SGIP1: variants seen among roughly 807,000 people sequenced by gnomAD.
The protein encoded by SGIP1 is SH3-containing GRB2-like protein 3-interacting protein 1.
In SGIP1, 38 loss-of-function variants were observed where a neutral mutation model predicts 107.5. The ratio of observed to expected loss-of-function variants is 0.35; its 90% CI spans 0.27 to 0.46. SGIP1 has a LOEUF of 0.46. Among genes scored for constraint, SGIP1 ranks in the 20% least tolerant of loss-of-function variants. The probability of loss-of-function intolerance (pLI) is 1.00; values close to 1 mark genes in which losing one functional copy is unlikely to be tolerated. For missense variants in SGIP1, 929 were observed against 1,019.5 expected (o/e 0.91, Z 1.21); for synonymous variants, 365 against 366.1 (o/e 1.00, Z 0.03).
intron 1 of SGIP1, among the ~76,000 whole-genome samples, chr1:66,596,870 G>A (rs1235789875): frequency 1.3e-5 from 2 of 151,978 alleles, no homozygotes; most frequent in African/African-American, 2.4e-5. Flanking sequence ...TATTTCAATT[G>A]AGTATCAAAT....
Position 66,743,438 on chromosome 1 carries a change from A to G in SGIP1, c.*343A>G, listed in dbSNP as rs2094513038. 5.3e-6 allele frequency: 1 copy of G among 187,638 alleles called. No individual in the cohort carries two copies. The highest frequency in any genetic ancestry group is 5.5e-5 in the Admixed American group (1 of 18,022). The allele number at this position is 187,638 out of a possible 1,614,324, so 11.6% of individuals were successfully genotyped here. Reference sequence around the variant, plus strand: ...AACTGTGGTATGTAAATTTAATAGTAGTATTGTTGAATGGCACAATGCTTA... The same window carrying G: ...AACTGTGGTATGTAAATTTAATAGTGGTATTGTTGAATGGCACAATGCTTA... On this transcript the variant is annotated 3_prime_UTR_variant, in exon 25 of 25. Coordinates refer to ENST00000371037, the MANE Select transcript of SGIP1 (RefSeq NM_032291.4).
rs375760804 is a variant in SGIP1, at chr1:66,625,941, G to C, written c.74+31G>C. The stretch of plus-strand genomic sequence containing the variant: ...TACTTTAGGAGTTTGCCTCCTCGAA[G>C]AAGCTATTTGCATAAGAGATGCTCT... On this transcript the variant is annotated intron_variant, in intron 2 of 24. Transcript: ENST00000371037. The C allele has an allele frequency of 2.0e-4, 315 of 1,577,922 alleles. 2 individuals carry two copies. The highest frequency in any genetic ancestry group is 2.4e-4 in the Admixed American group (14 of 58,804).
chr1:66,643,623 T>C lies in SGIP1; in HGVS notation c.363T>C (p.Ile121=). 6.2e-7 allele frequency: 1 copy of C among 1,611,092 alleles called. No individual in the cohort carries two copies. The highest frequency in any genetic ancestry group is 8.5e-7 in the Non-Finnish European group (1 of 1,178,982). The part of the protein sequence containing the change: ...EESHKKFNIK[I]KPLQSKDILK... ...CACATAAGAAATTTAATATCAAGAT[T>C]AAACCATTGCAATCTAAAGACATTC... Residue 121 remains isoleucine (I), a synonymous_variant, in exon 7 of 25, where the codon ATT becomes ATC. Coordinates refer to ENST00000371037, the MANE Select transcript of SGIP1 (RefSeq NM_032291.4).
At chr1:66,547,217 AT>A (rs1015347611) in intron 1 of SGIP1, among the ~76,000 whole-genome samples, 8 of 151,196 alleles carry the variant, frequency 5.3e-5, no homozygotes, top group South Asian at 2.1e-4. Context: ...TCTACAAATG[AT>A]TTTTTTTTCA....
intron 1 of SGIP1, among the ~76,000 whole-genome samples, chr1:66,607,422 A>G (rs1380223167): frequency 6.6e-6 from 1 of 152,214 alleles, no homozygotes; most frequent in African/African-American, 2.4e-5. Context: ...GATGTGGCCC[A>G]CCATTGGCCA....
chr1:66,639,650 CTAATA>C, intron 4 of SGIP1, 122 bp from the exon 5 acceptor site: 1 of 745,372 alleles, frequency 1.3e-6, no homozygotes, highest in Non-Finnish European at 2.3e-6. Context: ...ATAAACTGCT[CTAATA>C]TGTCTTTCCA....
chr1:66,622,295 C>T (rs1255157784), intron 1 of SGIP1, among the ~76,000 whole-genome samples: 1 of 152,078 alleles, frequency 6.6e-6, no homozygotes, highest in Non-Finnish European at 1.5e-5. Context: ...TACTTTTTCA[C>T]AAAGTTTGTA....
At chr1:66,628,086 T>G (rs1396216869) in intron 2 of SGIP1, among the ~76,000 whole-genome samples, 1 of 152,176 alleles carries the variant, frequency 6.6e-6, no homozygotes, top group African/African-American at 2.4e-5. Context: ...CTCATTATTT[T>G]TTATGGCTGC....
rs2057759737 is a variant in SGIP1, at chr1:66,553,679, A to G, written c.10+19311A>G. Among the ~76,000 whole-genome samples the G allele has an allele frequency of 2.0e-5, 3 of 151,912 alleles. No homozygotes were observed. The South Asian group carries it at 6.2e-4, about 32-fold the overall frequency. Reference sequence around the variant, plus strand: ...TGACAGAGCAAGACTCCAGTCAAAAAAAAAAAAAAAATGAGACCAAGGAAA... The same window carrying G: ...TGACAGAGCAAGACTCCAGTCAAAAGAAAAAAAAAAATGAGACCAAGGAAA... On this transcript the variant is annotated intron_variant, in intron 1 of 24. Transcript: ENST00000371037.
chr1:66,564,352 C>T (rs1300963814), intron 1 of SGIP1, among the ~76,000 whole-genome samples: 2 of 151,832 alleles, frequency 1.3e-5, no homozygotes, highest in African/African-American at 4.8e-5. Flanking sequence ...TGACTTATGC[C>T]TCATCTGGAA....
intron 7 of SGIP1, among the ~76,000 whole-genome samples, chr1:66,646,262 C>T (rs888415711): frequency 6.6e-6 from 1 of 152,110 alleles, no homozygotes; most frequent in Non-Finnish European, 1.5e-5. Context: ...ACTTTCATGT[C>T]TCCAGCCAAA....
intron 18 of SGIP1, among the ~76,000 whole-genome samples, chr1:66,705,090 T>A (rs1464711175): frequency 6.6e-6 from 1 of 152,218 alleles, no homozygotes; most frequent in Non-Finnish European, 1.5e-5. Flanking sequence ...GATTTGAACC[T>A]TTTTATGTCT....
chr1:66,677,792 A>T (rs1466409973), intron 13 of SGIP1, among the ~76,000 whole-genome samples: 2 of 152,208 alleles, frequency 1.3e-5, no homozygotes, highest in Non-Finnish European at 2.9e-5. Flanking sequence ...CTGCCTCTGA[A>T]GCATGCCTGT....
intron 1 of SGIP1, among the ~76,000 whole-genome samples, chr1:66,594,972 A>ATG (rs2064339264): frequency 6.6e-6 from 1 of 152,054 alleles, no homozygotes; most frequent in Admixed American, 6.6e-5. Flanking sequence ...TGTTTCCTGG[A>ATG]TGTGTGTGGA....
chr1:66,681,209 T>G (rs1397487442), intron 14 of SGIP1, among the ~76,000 whole-genome samples: 4 of 152,200 alleles, frequency 2.6e-5, no homozygotes, highest in Non-Finnish European at 5.9e-5. Flanking sequence ...GTGTTGTGTG[T>G]GGGGTGTATA....
At chr1:66,642,956 G>A (rs1309719424) in intron 6 of SGIP1, 92 bp downstream of exon 6, 15 of 1,105,782 alleles carry the variant, frequency 1.4e-5, no homozygotes, top group African/African-American at 3.2e-5. Context: ...TAAAATAACC[G>A]AATCTTCACA....
rs531612463 is a variant in SGIP1 at position 66,641,133 on chromosome 1, T to C, written c.228+1300T>C. On this transcript the variant is annotated intron_variant, in intron 5 of 24. Transcript: ENST00000371037. ...AAGAAGTAGGTCAAAGAGTACAAAT[T>C]TGCAGTAAGGTGAGATGAAGTCTAG... 2.0e-4 allele frequency among the ~76,000 whole-genome samples: 31 copies of C among 152,134 alleles called. No homozygotes were observed. The South Asian group carries it at 4.4e-3, about 21-fold the overall frequency.
chr1:66,587,997 A>T (rs2062906640), intron 1 of SGIP1, among the ~76,000 whole-genome samples: 3 of 152,142 alleles, frequency 2.0e-5, no homozygotes, highest in African/African-American at 7.2e-5. Context: ...AGACAATAAC[A>T]AGAAGGGCAA....
At chr1:66,660,696 G>A (rs1366748197) in intron 8 of SGIP1, among the ~76,000 whole-genome samples, 172 bp downstream of exon 8, 1 of 152,156 alleles carries the variant, frequency 6.6e-6, no homozygotes, top group Non-Finnish European at 1.5e-5. Flanking sequence ...GGGAAAAAAG[G>A]AAGTTGGTTG....
Sources: gnomAD v4.1 joint callset for allele counts (sites outside exome capture counted in the v4.1 genomes callset) on GRCh38, gnomAD v4.1.1 for gene constraint, MANE v1.5 for transcripts, NCBI Gene and HGNC (gene_info 2026-07-23, HGNC 2026-07-21) for gene names.